PPP1R16A: variants seen among roughly 807,000 people sequenced by gnomAD.
PPP1R16A encodes the protein myosin phosphatase-targeting subunit 3.
A neutral mutation model predicts 46.6 loss-of-function variants in PPP1R16A; 39 were observed. The observed-to-expected ratio is 0.84, with a 90% confidence interval of 0.65 to 1.09. The LOEUF (loss-of-function observed/expected upper bound fraction) is 1.09. Among genes scored for constraint, PPP1R16A ranks in the 50% least tolerant of loss-of-function variants. The pLI, the probability that PPP1R16A is intolerant of heterozygous loss-of-function variation, is 0.00. For synonymous variants in PPP1R16A, 413 were observed against 321.5 expected (o/e 1.28, Z -3.04); for missense variants, 798 against 735.6 (o/e 1.08, Z -0.98).
chr8:144,492,362 GTCTC>G (rs1351385156), intron 2 of PPP1R16A, among the ~76,000 whole-genome samples: 3 of 141,540 alleles, frequency 2.1e-5, no homozygotes, highest in Non-Finnish European at 1.5e-5. Context: ...TTGATAGGGA[GTCTC>G]TCTCTGTCAC....
At chr8:144,491,186 C>G (rs1338983921) in intron 2 of PPP1R16A, among the ~76,000 whole-genome samples, 1 of 152,228 alleles carries the variant, frequency 6.6e-6, no homozygotes, top group Non-Finnish European at 1.5e-5. Flanking sequence ...TTGAGACCCA[C>G]CTCATCTTGT....
At chr8:144,494,978 G>A (rs1406431395) in intron 2 of PPP1R16A, among the ~76,000 whole-genome samples, 1 of 152,198 alleles carries the variant, frequency 6.6e-6, no homozygotes, top group Non-Finnish European at 1.5e-5. Context: ...CCTGGGCAGG[G>A]TGTCTGGCCA....
rs2130532187 is a variant in PPP1R16A, at chr8:144,500,129, G to T, written c.510G>T (p.Gly170=). 1 of 1,612,036 alleles carries T rather than the reference G, an allele frequency of 6.2e-7. No homozygotes were observed. The highest frequency in any genetic ancestry group is 2.2e-5 in the East Asian group (1 of 44,808). ...GANLLAVNTD[G]NMPYDLCDDE... The stretch of plus-strand genomic sequence containing the variant: ...ATCTCCTGGCGGTCAACACCGACGG[G>T]AACATGCCCTATGACCTGTGTGATG... Residue 170 remains glycine (G), a synonymous_variant, in exon 6 of 12, where the codon GGG becomes GGT. Coordinates refer to ENST00000435887, the MANE Select transcript of PPP1R16A (RefSeq NM_001329443.2).
intron 11 of PPP1R16A, 87 bp downstream of exon 11, chr8:144,501,381 G>A: frequency 1.3e-6 from 2 of 1,491,854 alleles, no homozygotes; most frequent in Non-Finnish European, 1.8e-6. Context: ...CCTCCTGCCT[G>A]TGTCAGGAAT....
At chr8:144,483,569 C>A (rs1226437324) in intron 1 of PPP1R16A, among the ~76,000 whole-genome samples, 10 of 152,116 alleles carry the variant, frequency 6.6e-5, no homozygotes. Context: ...GCCGCCACGA[C>A]CGGCTTTTGT....
chr8:144,498,257 G>A, intron 3 of PPP1R16A: 1 of 362,832 alleles, frequency 2.8e-6, no homozygotes, highest in Admixed American at 3.3e-5. Flanking sequence ...CCGTCAGGGA[G>A]AACCCTGGTG....
intron 2 of PPP1R16A, chr8:144,495,832 G>A (rs1826033609): frequency 6.6e-6 from 1 of 152,358 alleles, no homozygotes; most frequent in Non-Finnish European, 1.5e-5. Context: ...TACATAGGCA[G>A]GGTTGTGCCC....
intron 1 of PPP1R16A, among the ~76,000 whole-genome samples, chr8:144,485,956 G>C (rs983348723): frequency 6.6e-6 from 1 of 152,162 alleles, no homozygotes; most frequent in Non-Finnish European, 1.5e-5. Flanking sequence ...GTTGAGGTCG[G>C]CGTGATGTCC....
chr8:144,489,298 T>C (rs1438237772), intron 1 of PPP1R16A, among the ~76,000 whole-genome samples: 1 of 41,584 alleles, frequency 2.4e-5, no homozygotes, highest in Admixed American at 3.6e-4. Flanking sequence ...GGGGTTGGTC[T>C]GAGGGGGGTT....
chr8:144,478,955 A>G (rs949175859), intron 1 of PPP1R16A: 1 of 152,360 alleles, frequency 6.6e-6, no homozygotes, highest in Non-Finnish European at 1.5e-5. Flanking sequence ...CCTTCCCCAA[A>G]CCTCTGTGCC....
chr8:144,499,572 G>C (rs1826296776), intron 5 of PPP1R16A: 1 of 187,624 alleles, frequency 5.3e-6, no homozygotes, highest in Admixed American at 5.4e-5. Context: ...GTGCCCCTGT[G>C]AGGCCGGGTG....
chr8:144,494,483 T>C (rs1825959428), intron 2 of PPP1R16A, among the ~76,000 whole-genome samples: 1 of 150,940 alleles, frequency 6.6e-6, no homozygotes, highest in Non-Finnish European at 1.5e-5. Context: ...ATTTTAAAAT[T>C]ATTCTGTAGA....
chr8:144,482,573 A>G (rs1190891639), intron 1 of PPP1R16A, among the ~76,000 whole-genome samples: 1 of 134,636 alleles, frequency 7.4e-6, no homozygotes, highest in African/African-American at 2.9e-5. Context: ...CCCTGCCTCA[A>G]CCTCCCGGGT....
At chr8:144,492,912 C>T (rs905212402) in intron 2 of PPP1R16A, among the ~76,000 whole-genome samples, 6 of 152,218 alleles carry the variant, frequency 3.9e-5, no homozygotes, top group South Asian at 2.1e-4. Context: ...GGGCTCTCGT[C>T]GCACCATGGA....
rs553528646 is a variant in PPP1R16A, at chr8:144,500,903, C to T, written c.969C>T (p.Ala323=). ...KLLELKHKHD[A]LLRAQSRQRS... ...TGGAGCTGAAGCACAAGCACGACGCCCTCCTGCGCGCCCAGAGCCGCCAGC... is the reference window on the plus strand; with the variant it reads ...TGGAGCTGAAGCACAAGCACGACGCTCTCCTGCGCGCCCAGAGCCGCCAGC... The change falls in exon 10 of 12, where the codon GCC becomes GCT. Residue 323 remains alanine, a synonymous_variant. Coordinates refer to ENST00000435887, the MANE Select transcript of PPP1R16A (RefSeq NM_001329443.2). 206 of 1,538,952 alleles carry T rather than the reference C, an allele frequency of 1.3e-4. 3 individuals carry two copies. In the South Asian group the frequency reaches 2.2e-3, roughly 17 times the overall value.
At chr8:144,498,734 G>T in intron 3 of PPP1R16A, 36 bp from the exon 4 acceptor site, 1 of 1,545,050 alleles carries the variant, frequency 6.5e-7, no homozygotes, top group South Asian at 1.2e-5. Context: ...CTGACCAGGG[G>T]CAGGACCCTG....
chr8:144,491,353 C>T (rs1006821118), intron 2 of PPP1R16A, among the ~76,000 whole-genome samples: 1 of 152,128 alleles, frequency 6.6e-6, no homozygotes, highest in East Asian at 1.9e-4. Context: ...GTGGCTCATA[C>T]CTATAATCCC....
intron 5 of PPP1R16A, 57 bp from the exon 6 acceptor site, chr8:144,500,039 G>A (rs1476466895): frequency 3.3e-6 from 5 of 1,538,184 alleles, no homozygotes; most frequent in Non-Finnish European, 4.4e-6. Context: ...TCCAAGTGAG[G>A]AGCCTGGCAA....
Position 144,501,474 on chromosome 8 carries a change from G to A in PPP1R16A, c.1204-46G>A, listed in dbSNP as rs371202011. 62 of 1,490,072 alleles carry A rather than the reference G, an allele frequency of 4.2e-5. No individual in the cohort carries two copies. The African/African-American group carries it at 7.6e-4, about 18-fold the overall frequency. The allele number at this position is 1,490,072 out of a possible 1,614,324, so 92.3% of individuals were successfully genotyped here. A position where few individuals can be genotyped will look rare whatever the true frequency, so the allele number is the denominator to read the frequency against. Reference sequence around the variant, plus strand: ...TACAGCCTGAACCCAAGGCCAGGGAGGGGGGAGGAGCCTCCTGATGGCTCT... The same window carrying A: ...TACAGCCTGAACCCAAGGCCAGGGAAGGGGGAGGAGCCTCCTGATGGCTCT... On this transcript the variant is annotated intron_variant, in intron 11 of 11. Transcript: ENST00000435887.
Sources: allele counts gnomAD v4.1 joint callset (sites outside exome capture counted in the v4.1 genomes callset), GRCh38; gene constraint gnomAD v4.1.1; transcripts MANE v1.5; gene names NCBI Gene and HGNC (gene_info 2026-07-23, HGNC 2026-07-21).